Variants in CHST11 observed in about 807,000 individuals in gnomAD.
CHST11 encodes carbohydrate sulfotransferase 11, also known as C4S-1.
A neutral mutation model predicts 30.4 loss-of-function variants in CHST11; 9 were observed. The observed-to-expected ratio is 0.30, with a 90% CI of 0.18 to 0.52. The LOEUF (loss-of-function observed/expected upper bound fraction) is 0.52. Among genes scored for constraint, CHST11 ranks in the 20% least tolerant of loss-of-function variants. CHST11 has a pLI of 0.97. For synonymous variants in CHST11, 152 were observed against 187.8 expected (o/e 0.81, Z 1.56); for missense variants, 348 against 460.6 (o/e 0.76, Z 2.24).
chr12:104,694,598 G>A (rs1156856187), intron 2 of CHST11, among the ~76,000 whole-genome samples: 1 of 152,170 alleles, frequency 6.6e-6, no homozygotes, highest in African/African-American at 2.4e-5. Context: ...AACGAAGCGG[G>A]TGACTTCACC....
chr12:104,542,109 G>A (rs2038292583), intron 1 of CHST11, among the ~76,000 whole-genome samples: 1 of 152,212 alleles, frequency 6.6e-6, no homozygotes, highest in Non-Finnish European at 1.5e-5. Context: ...AGTGAGGCAT[G>A]CTTCTAAATG....
At chr12:104,736,417 A>G (rs1014004613) in intron 2 of CHST11, among the ~76,000 whole-genome samples, 3 of 152,222 alleles carry the variant, frequency 2.0e-5, no homozygotes, top group African/African-American at 7.2e-5. Context: ...GCTCATACAG[A>G]GAATGCCCAG....
intron 1 of CHST11, among the ~76,000 whole-genome samples, chr12:104,461,891 C>T (rs1301401789): frequency 1.3e-5 from 2 of 151,924 alleles, no homozygotes; most frequent in East Asian, 1.9e-4. Flanking sequence ...TGGCCAGGTG[C>T]GATGGCTCAC....
intron 2 of CHST11, among the ~76,000 whole-genome samples, chr12:104,727,964 C>T (rs1240632458): frequency 2.4e-5 from 3 of 123,558 alleles, no homozygotes; most frequent in African/African-American, 5.6e-5. Context: ...TGGATCCAGG[C>T]GTGGATCCAG....
At chr12:104,585,183 T>A (rs1365286123) in intron 1 of CHST11, among the ~76,000 whole-genome samples, 1 of 152,232 alleles carries the variant, frequency 6.6e-6, no homozygotes, top group East Asian at 1.9e-4. Context: ...TCTTTGCTTC[T>A]GGAGAAAAGA....
intron 1 of CHST11, among the ~76,000 whole-genome samples, chr12:104,539,762 G>A (rs188891404): frequency 1.1e-3 from 163 of 152,228 alleles, no homozygotes; most frequent in Admixed American, 2.4e-3. Flanking sequence ...TATCCTTGGG[G>A]GATTGGTTCC....
chr12:104,457,318 G>C lies in CHST11; in HGVS notation c.-94G>C. 1.2e-6 allele frequency: 1 copy of C among 816,080 alleles called. No individual in the cohort carries two copies. Among genetic ancestry groups the C allele is most frequent in the Non-Finnish European group, 2.0e-6 (1 of 494,130 alleles). The allele number at this position is 816,080 out of a possible 1,614,324, so 50.6% of individuals were successfully genotyped here. A position where few individuals can be genotyped will look rare whatever the true frequency, so the allele number is the denominator to read the frequency against. On this transcript the variant is annotated 5_prime_UTR_variant, in exon 1 of 3. Coordinates refer to ENST00000303694, the MANE Select transcript of CHST11 (RefSeq NM_018413.6). Reference sequence around the variant, plus strand: ...TGAGCCTTGCTCAGCTCTGCCCCGCGCCTCCCGGGCTCCGGTCCGCGCGGC... The same window carrying C: ...TGAGCCTTGCTCAGCTCTGCCCCGCCCCTCCCGGGCTCCGGTCCGCGCGGC...
intron 2 of CHST11, among the ~76,000 whole-genome samples, chr12:104,628,361 A>G (rs17035997): frequency 0.21 from 32,463 of 152,034 alleles, 4,361 homozygotes; most frequent in East Asian, 0.43. Context: ...TTCAGGTTCC[A>G]TTTTTTACAT....
chr12:104,530,298 C>T (rs1251705689), intron 1 of CHST11, among the ~76,000 whole-genome samples: 1 of 152,214 alleles, frequency 6.6e-6, no homozygotes, highest in Non-Finnish European at 1.5e-5. Flanking sequence ...TGATCATCAT[C>T]ATTTCTGGTC....
intron 1 of CHST11, among the ~76,000 whole-genome samples, chr12:104,510,127 G>T (rs2135980734): frequency 6.6e-6 from 1 of 152,292 alleles, no homozygotes; most frequent in East Asian, 1.9e-4. Context: ...GCCAGAACTT[G>T]GTCTTGGGGA....
chr12:104,470,055 G>T (rs2037492977), intron 1 of CHST11, among the ~76,000 whole-genome samples: 2 of 152,224 alleles, frequency 1.3e-5, no homozygotes, highest in African/African-American at 4.8e-5. Context: ...GACATTTTGG[G>T]TTGTCATTAA....
chr12:104,750,465 T>C lies in CHST11; in HGVS notation c.205-6484T>C, dbSNP rs544844345. On this transcript the variant is annotated intron_variant, in intron 2 of 2. Transcript: ENST00000303694. Reference sequence around the variant, plus strand: ...TTTTTTTTTTTTTTTTTGTTGAGACTGAGTCTCGCTCTGTCACCCAGGCCG... The same window carrying C: ...TTTTTTTTTTTTTTTTTGTTGAGACCGAGTCTCGCTCTGTCACCCAGGCCG... 5.9e-5 allele frequency among the ~76,000 whole-genome samples: 8 copies of C among 136,424 alleles called. No homozygotes were observed. The East Asian group carries it at 1.7e-3, about 28-fold the overall frequency. The allele number at this position is 136,424 out of a possible 152,430, so 89.5% of individuals were successfully genotyped here.
At chr12:104,531,479 A>AAAAAAAAAAAAAAAAAG (rs1167716012) in intron 1 of CHST11, among the ~76,000 whole-genome samples, 4 of 145,362 alleles carry the variant, frequency 2.8e-5, no homozygotes, top group African/African-American at 1.0e-4. Flanking sequence ...AAAAAAAAAA[A>AAAAAAAAAAAAAAAAAG]AGAGAGAGAG....
chr12:104,459,695 CT>C (rs3833802), intron 1 of CHST11, among the ~76,000 whole-genome samples: 10,036 of 152,228 alleles, frequency 0.066, 375 homozygotes, highest in South Asian at 0.085. Flanking sequence ...TCAGCCTAGC[CT>C]TTTGGAAGAG....
At chr12:104,658,664 C>A (rs543010085) in intron 2 of CHST11, among the ~76,000 whole-genome samples, 1 of 152,302 alleles carries the variant, frequency 6.6e-6, no homozygotes, top group South Asian at 2.1e-4. Context: ...TTTTCTCCTA[C>A]CTTCTGCTTC....
chr12:104,552,796 TTC>T (rs1377444399), intron 1 of CHST11: 1 of 152,076 alleles, frequency 6.6e-6, no homozygotes, highest in Non-Finnish European at 1.5e-5. Flanking sequence ...AGAAGAGGAG[TTC>T]TGCGAGAACA....
intron 1 of CHST11, among the ~76,000 whole-genome samples, chr12:104,512,070 A>G (rs968506140): frequency 5.3e-5 from 8 of 152,126 alleles, no homozygotes; most frequent in African/African-American, 1.9e-4. Context: ...TAAAATTGTT[A>G]TATTTTTTCC....
At chr12:104,592,448 G>A (rs190863265) in intron 1 of CHST11, among the ~76,000 whole-genome samples, 1 of 152,114 alleles carries the variant, frequency 6.6e-6, no homozygotes, top group Admixed American at 6.5e-5. Flanking sequence ...GGTGGAGGGG[G>A]TAAGTGGTCT....
intron 1 of CHST11, among the ~76,000 whole-genome samples, chr12:104,497,657 G>A (rs949797189): frequency 2.6e-5 from 4 of 152,246 alleles, no homozygotes; most frequent in African/African-American, 9.6e-5. Context: ...GGTTTTCCAT[G>A]AGGAACCAAA....
Sources: gnomAD v4.1 joint callset for allele counts (sites outside exome capture counted in the v4.1 genomes callset) on GRCh38, gnomAD v4.1.1 for gene constraint, MANE v1.5 for transcripts, NCBI Gene and HGNC (gene_info 2026-07-23, HGNC 2026-07-21) for gene names.